The following NUGGC variants were observed in gnomAD, a reference collection of about 807,000 sequenced individuals.
NUGGC encodes the protein nuclear GTPase, germinal center associated.
NUGGC carries 58 observed loss-of-function variants against 92.6 expected under a neutral mutation model. The observed-to-expected ratio is 0.63, with a 90% confidence interval of 0.51 to 0.78. NUGGC has a LOEUF of 0.78. Ranked by LOEUF, NUGGC falls within the 30% of genes least tolerant of loss-of-function variation. The pLI is 0.00. For missense variants in NUGGC, 925 were observed against 964.6 expected (o/e 0.96, Z 0.54); for synonymous variants, 376 against 366.4 (o/e 1.03, Z -0.30).
In NUGGC at chr8:28,053,689, T is replaced by C. The variant is rs545026060; in HGVS notation, c.1206+2276A>G. On this transcript the variant is annotated intron_variant, in intron 10 of 18. Coordinates refer to ENST00000413272, the MANE Select transcript of NUGGC (RefSeq NM_001010906.2). ...GTATTGCTGCCCAGGCCCTAACTCA[T>C]ACAAACCAATTCGGCATGTTTACTG... Among the ~76,000 whole-genome samples, 7 of 152,310 alleles carry C rather than the reference T, an allele frequency of 4.6e-5. No individual in the cohort carries two copies. In the East Asian group the frequency reaches 1.2e-3, roughly 25 times the overall value.
chr8:28,045,486 C>T (rs2130138327), intron 12 of NUGGC, 41 bp downstream of exon 12: 1 of 1,586,814 alleles, frequency 6.3e-7, no homozygotes, highest in Non-Finnish European at 8.6e-7. Flanking sequence ...AATGTCCTGC[C>T]CAGGAAGGGG....
intron 14 of NUGGC, among the ~76,000 whole-genome samples, chr8:28,032,314 G>A (rs956347418): frequency 6.6e-6 from 1 of 152,230 alleles, no homozygotes; most frequent in Non-Finnish European, 1.5e-5. Context: ...CTGGAGAATG[G>A]TTCAAGCAGC....
intron 1 of NUGGC, among the ~76,000 whole-genome samples, chr8:28,078,881 T>G (rs144601946): frequency 6.6e-6 from 1 of 152,222 alleles, no homozygotes; most frequent in Non-Finnish European, 1.5e-5. Flanking sequence ...GGAGAAGCAA[T>G]TGATAACAGT....
intron 2 of NUGGC, among the ~76,000 whole-genome samples, 166 bp downstream of exon 2, chr8:28,074,202 A>G (rs1486176500): frequency 7.9e-5 from 12 of 151,940 alleles, no homozygotes; most frequent in Non-Finnish European, 8.8e-5. Context: ...CTGTTGAAAT[A>G]TCTGATCTTC....
chr8:28,050,989 C>CAT (rs76848126), intron 10 of NUGGC, among the ~76,000 whole-genome samples: 1 of 152,012 alleles, frequency 6.6e-6, no homozygotes, highest in Non-Finnish European at 1.5e-5. Context: ...CCCTAGCACT[C>CAT]TTTTTTTGCT....
intron 10 of NUGGC, among the ~76,000 whole-genome samples, chr8:28,051,950 C>A (rs1563222313): frequency 6.6e-6 from 1 of 151,012 alleles, no homozygotes; most frequent in Non-Finnish European, 1.5e-5. Context: ...CAAAAACAAA[C>A]AAAAAAAACC....
intron 7 of NUGGC, among the ~76,000 whole-genome samples, chr8:28,062,735 G>C (rs1473044713): frequency 6.6e-6 from 1 of 152,188 alleles, no homozygotes; most frequent in African/African-American, 2.4e-5. Context: ...CTTAAGGGCA[G>C]GGCCCCCGTC....
At chr8:28,044,555 T>G (rs1231111393) in intron 12 of NUGGC, among the ~76,000 whole-genome samples, 1 of 152,210 alleles carries the variant, frequency 6.6e-6, no homozygotes, top group Admixed American at 6.5e-5. Context: ...GACATTTGGT[T>G]TTCCCGGTTG....
intron 1 of NUGGC, among the ~76,000 whole-genome samples, chr8:28,078,753 C>A (rs1209296888): frequency 6.6e-6 from 1 of 152,128 alleles, no homozygotes; most frequent in Non-Finnish European, 1.5e-5. Context: ...ATTTCAAGTG[C>A]ATTGTATTAA....
At chr8:28,065,484 T>C (rs1810419430) in intron 6 of NUGGC, among the ~76,000 whole-genome samples, 1 of 152,210 alleles carries the variant, frequency 6.6e-6, no homozygotes, top group South Asian at 2.1e-4. Flanking sequence ...AAAAGAGTTT[T>C]TAAAATTTAT....
chr8:28,052,785 G>A (rs1810038521), intron 10 of NUGGC, among the ~76,000 whole-genome samples: 1 of 152,182 alleles, frequency 6.6e-6, no homozygotes, highest in Admixed American at 6.5e-5. Flanking sequence ...TCCTTCTAAT[G>A]AGTTGTGTGC....
intron 12 of NUGGC, among the ~76,000 whole-genome samples, chr8:28,042,149 G>A (rs1387425179): frequency 6.6e-6 from 1 of 152,098 alleles, no homozygotes; most frequent in African/African-American, 2.4e-5. Flanking sequence ...CCAGGCACAT[G>A]GAACTGTGAG....
At chr8:28,043,917 A>AGTTTT (rs958757812) in intron 12 of NUGGC, among the ~76,000 whole-genome samples, 6 of 152,194 alleles carry the variant, frequency 3.9e-5, no homozygotes, top group African/African-American at 9.7e-5. Flanking sequence ...AGATTCCAAG[A>AGTTTT]GTTTTGTTTT....
At chr8:28,042,968 A>C (rs988773113) in intron 12 of NUGGC, among the ~76,000 whole-genome samples, 7 of 152,192 alleles carry the variant, frequency 4.6e-5, no homozygotes, top group African/African-American at 1.4e-4. Context: ...CTTGGAGTAA[A>C]TACGTTTTAG....
At position 28,069,487 on chromosome 8, in the gene NUGGC, A is replaced by G. The variant is rs978297145; in HGVS notation, c.257+57T>C. On this transcript the variant is annotated intron_variant, in intron 4 of 18. Coordinates refer to ENST00000413272, the MANE Select transcript of NUGGC (RefSeq NM_001010906.2). Reference sequence around the variant, plus strand: ...TTCCTTGTTGGGGGAAAGCACCTATAATCGCCTAAGGAAAGACACTGACAT... The same window carrying G: ...TTCCTTGTTGGGGGAAAGCACCTATGATCGCCTAAGGAAAGACACTGACAT... 70 of 843,832 alleles carry G rather than the reference A, an allele frequency of 8.3e-5. No individual in the cohort carries two copies. The South Asian group carries it at 1.1e-3, about 13-fold the overall frequency. The allele number at this position is 843,832 out of a possible 1,614,324, so 52.3% of individuals were successfully genotyped here.
Position 28,076,344 on chromosome 8 carries a change from G to T in NUGGC, c.-46-1888C>A, listed in dbSNP as rs149950778. ...GACAGAGTCTTGCTCTGTTGCCCAG[G>T]CTGGAATGCAGCGGCACAATCTCAG... On this transcript the variant is annotated intron_variant, in intron 1 of 18. Coordinates refer to ENST00000413272, the MANE Select transcript of NUGGC (RefSeq NM_001010906.2). 4.8e-3 allele frequency among the ~76,000 whole-genome samples: 728 copies of T among 152,318 alleles called. 3 individuals are homozygous for T. Among genetic ancestry groups the T allele is most frequent in the African/African-American group, 0.017 (696 of 41,578 alleles).
chr8:28,067,597 T>A lies in NUGGC; in HGVS notation c.628A>T (p.Ser210Cys), dbSNP rs1222943895. 3.7e-6 allele frequency: 6 copies of A among 1,613,784 alleles called. No homozygotes were observed. The highest frequency in any genetic ancestry group is 5.1e-6 in the Non-Finnish European group (6 of 1,179,830). ...LQMIYGNGAESKNYEELLRAK... is the reference protein window; with the variant it reads ...LQMIYGNGAECKNYEELLRAK... ...CTCAGTAACTCCTCATAGTTCTTAC[T>A]CTCTGCCCCATTTCCATAAATCATT... The change falls in exon 6 of 19, where the codon AGT becomes TGT. Residue 210 changes from serine to cysteine, a missense_variant. Ser to Cys is a moderately radical substitution (Grantham distance 112, BLOSUM62 -1). Coordinates refer to ENST00000413272, the MANE Select transcript of NUGGC (RefSeq NM_001010906.2).
intron 10 of NUGGC, among the ~76,000 whole-genome samples, chr8:28,055,741 G>A (rs1487062187): frequency 6.6e-6 from 1 of 152,196 alleles, no homozygotes; most frequent in Non-Finnish European, 1.5e-5. Flanking sequence ...GCTGAGGTGG[G>A]AGGATCTCTT....
At chr8:28,078,824 C>G (rs888203959) in intron 1 of NUGGC, among the ~76,000 whole-genome samples, 1 of 152,094 alleles carries the variant, frequency 6.6e-6, no homozygotes, top group Admixed American at 6.6e-5. Context: ...CTATTTCCCC[C>G]CAAAGGGAAG....
Sources: allele counts gnomAD v4.1 joint callset (sites outside exome capture counted in the v4.1 genomes callset), GRCh38; gene constraint gnomAD v4.1.1; transcripts MANE v1.5; gene names NCBI Gene and HGNC (gene_info 2026-07-23, HGNC 2026-07-21).